Variants in ADA2 observed in about 807,000 individuals in gnomAD.
ADA2 encodes the protein adenosine deaminase CECR1.
A neutral mutation model predicts 44.2 loss-of-function variants in ADA2; 29 were observed. The ratio of observed to expected loss-of-function variants is 0.66; its 90% confidence interval spans 0.49 to 0.89. The LOEUF is 0.89. ADA2 is among the 40% of genes least tolerant of loss of function. ADA2 has a pLI of 0.00. For missense variants in ADA2, 637 were observed against 644.8 expected (o/e 0.99, Z 0.13); for synonymous variants, 215 against 234.9 (o/e 0.92, Z 0.77).
rs535337577 is a variant in ADA2 at position 17,181,488 on chromosome 22, T to G, written c.1531A>C (p.Lys511Gln). Reference sequence around the variant, plus strand: ...GAGGGCTGGCTAGCTTCTCCTCACTTTGTAGCCACATCTGCTATGAACTTA... The same window carrying G: ...GAGGGCTGGCTAGCTTCTCCTCACTGTGTAGCCACATCTGCTATGAACTTA... ...WDKFIADVAT[K>Q] is the part of the protein sequence containing the mutation. The change falls in exon 10 of 10, where the codon AAG becomes CAG. Residue 511 changes from lysine to glutamine, a missense_variant. By Grantham distance (53) the Lys-to-Gln change is moderately conservative. Coordinates refer to ENST00000399837, the MANE Select transcript of ADA2 (RefSeq NM_001282225.2). 9.9e-6 allele frequency: 16 copies of G among 1,608,106 alleles called. No homozygotes were observed. The East Asian group carries it at 1.6e-4, about 16-fold the overall frequency.
chr22:17,193,625 G>A (rs1243743270), intron 4 of ADA2, among the ~76,000 whole-genome samples: 6 of 148,044 alleles, frequency 4.1e-5, no homozygotes, highest in Non-Finnish European at 5.9e-5. Context: ...CCAAGATCGC[G>A]CCATTGCACT....
In ADA2 at chr22:17,182,010, C is replaced by A. The variant is rs142726959; in HGVS notation, c.1252G>T (p.Val418Leu). 7.4e-5 allele frequency: 120 copies of A among 1,613,444 alleles called. No homozygotes were observed. The highest frequency in any genetic ancestry group is 9.9e-5 in the Non-Finnish European group (117 of 1,179,676). ...ACAGGGTGGTTCCTCAAGTCAGACA[C>A]CAGTTTCAGCACCTGCGCAATAGGA... ...CPISNQVLKL[V>L]SDLRNHPVAT... is the part of the protein sequence containing the mutation. Residue 418 changes from valine (V) to leucine (L), a missense_variant, in exon 9 of 10, where the codon GTG (valine) becomes TTG (leucine). Coordinates refer to ENST00000399837, the MANE Select transcript of ADA2 (RefSeq NM_001282225.2).
At chr22:17,201,104 G>C (rs1395225973) in intron 4 of ADA2, among the ~76,000 whole-genome samples, 1 of 151,890 alleles carries the variant, frequency 6.6e-6, no homozygotes, top group Non-Finnish European at 1.5e-5. Flanking sequence ...AGCTACTCGG[G>C]AGGCTGAGGC....
chr22:17,212,956 ATTTT>A (rs34092800), intron 1 of ADA2, among the ~76,000 whole-genome samples: 2 of 144,274 alleles, frequency 1.4e-5, no homozygotes, highest in South Asian at 4.4e-4. Context: ...CACTCAGCTA[ATTTT>A]TTTTTTTTCT....
At chr22:17,183,955 CTTTTT>C (rs33921509) in intron 7 of ADA2, among the ~76,000 whole-genome samples, 1 of 79,778 alleles carries the variant, frequency 1.3e-5, no homozygotes, top group African/African-American at 5.3e-5. Context: ...TCACACCTTT[CTTTTT>C]TTTTTTTTTT....
intron 7 of ADA2, among the ~76,000 whole-genome samples, chr22:17,183,637 T>A (rs947299052): frequency 6.6e-6 from 1 of 151,628 alleles, no homozygotes; most frequent in African/African-American, 2.4e-5. Context: ...ATTTTTTGTA[T>A]TTTTAGTAGA....
At chr22:17,183,705 A>G (rs1232378391) in intron 7 of ADA2, among the ~76,000 whole-genome samples, 1 of 150,792 alleles carries the variant, frequency 6.6e-6, no homozygotes, top group Non-Finnish European at 1.5e-5. Context: ...CAGGGGATCC[A>G]CCCGCCTAGG....
At chr22:17,214,039 C>CAAAAAAAAAAAAAA (rs35502604) in intron 1 of ADA2, 1 of 263,364 alleles carries the variant, frequency 3.8e-6, no homozygotes, top group East Asian at 1.2e-4. Flanking sequence ...AACTCTGTCT[C>CAAAAAAAAAAAAAA]AAAAAAAAAA....
At chr22:17,185,391 G>A (rs2062024790) in intron 7 of ADA2, among the ~76,000 whole-genome samples, 2 of 150,730 alleles carry the variant, frequency 1.3e-5, no homozygotes, top group South Asian at 4.2e-4. Context: ...ACTCCAGCCT[G>A]GGGACAGAGC....
intron 4 of ADA2, chr22:17,193,358 CAAAAAAAAAAAAAAAAA>C (rs71200244): frequency 0.012 from 782 of 65,780 alleles, no homozygotes; most frequent in Middle Eastern, 0.03. Context: ...GTAAAAACTG[CAAAAAAAAAAAAAAAAA>C]AAAAAAAAAA....
At position 17,207,323 on chromosome 22, in the gene ADA2, G is replaced by A. The variant is rs77656474; in HGVS notation, c.323-33C>T. 75,757 of 1,516,002 alleles carry A rather than the reference G, an allele frequency of 0.05. 2,160 individuals are homozygous for A. The highest frequency in any genetic ancestry group is 0.057 in the Non-Finnish European group (62,772 of 1,097,352). The allele number at this position is 1,516,002 out of a possible 1,614,324, so 93.9% of individuals were successfully genotyped here. A position where few individuals can be genotyped will look rare whatever the true frequency, so the allele number is the denominator to read the frequency against. On this transcript the variant is annotated intron_variant, in intron 2 of 9. Transcript: ENST00000399837. ...GGGAAGAAGAATGGTGAAGACAAAGGGGTGAAGTCCCATCCCAGGACTCCA... is the reference window on the plus strand; with the variant it reads ...GGGAAGAAGAATGGTGAAGACAAAGAGGTGAAGTCCCATCCCAGGACTCCA...
At chr22:17,215,147 G>A (rs2062456983) in intron 1 of ADA2, among the ~76,000 whole-genome samples, 1 of 152,184 alleles carries the variant, frequency 6.6e-6, no homozygotes, top group Non-Finnish European at 1.5e-5. Context: ...AATCTCTGTG[G>A]ACATACATAC....
intron 1 of ADA2, among the ~76,000 whole-genome samples, chr22:17,210,663 T>C (rs904496448): frequency 7.2e-5 from 11 of 152,014 alleles, no homozygotes; most frequent in African/African-American, 2.4e-4. Context: ...AGTGACGTGA[T>C]CTTGGCCCTC....
At chr22:17,195,692 T>C (rs2062181442) in intron 4 of ADA2, among the ~76,000 whole-genome samples, 1 of 152,060 alleles carries the variant, frequency 6.6e-6, no homozygotes, top group South Asian at 2.1e-4. Flanking sequence ...AGCTGCATCA[T>C]GTGTCATATC....
intron 4 of ADA2, among the ~76,000 whole-genome samples, chr22:17,194,746 C>T (rs2062168928): frequency 6.6e-6 from 1 of 151,810 alleles, no homozygotes; most frequent in Admixed American, 6.6e-5. Context: ...ACCTTAGGTA[C>T]TGTTCATTCA....
chr22:17,204,135 A>G (rs1366005015), intron 3 of ADA2, among the ~76,000 whole-genome samples: 1 of 151,814 alleles, frequency 6.6e-6, no homozygotes, highest in Non-Finnish European at 1.5e-5. Flanking sequence ...TTTTCTTCCT[A>G]TACCCACTGA....
intron 7 of ADA2, among the ~76,000 whole-genome samples, chr22:17,183,593 C>T (rs1230758947): frequency 6.6e-6 from 1 of 151,408 alleles, no homozygotes; most frequent in Non-Finnish European, 1.5e-5. Flanking sequence ...TCCTGAGTAG[C>T]TGGGATTACA....
intron 7 of ADA2, among the ~76,000 whole-genome samples, chr22:17,187,892 C>T (rs568782103): frequency 5.3e-5 from 8 of 151,902 alleles, no homozygotes; most frequent in Non-Finnish European, 7.4e-5. Context: ...ATCATGAGGT[C>T]AGGAGATCAA....
Position 17,189,812 on chromosome 22 carries a change from G to A in ADA2, c.972+130C>T, listed in dbSNP as rs2123643194. 4 of 666,002 alleles carry A rather than the reference G, an allele frequency of 6.0e-6. No individual in the cohort carries two copies. In the South Asian group the frequency reaches 7.0e-5, roughly 12 times the overall value. 41.3% of individuals were successfully genotyped at this position (666,002 alleles called of 1,614,324 possible). ...CAGCCCTGCTGTGTCAGCAGCCTGA[G>A]CCTGCCCTGGGATGTCAGGGTACCA... On this transcript the variant is annotated intron_variant, in intron 6 of 9. Coordinates refer to ENST00000399837, the MANE Select transcript of ADA2 (RefSeq NM_001282225.2).
Sources: gnomAD v4.1 joint callset for allele counts (sites outside exome capture counted in the v4.1 genomes callset) on GRCh38, gnomAD v4.1.1 for gene constraint, MANE v1.5 for transcripts, NCBI Gene and HGNC (gene_info 2026-07-23, HGNC 2026-07-21) for gene names.